The following DSCAML1 variants were observed in gnomAD, a reference collection of about 807,000 sequenced individuals.
DSCAML1 encodes the protein DS cell adhesion molecule like 1, also known as cell adhesion molecule DSCAML1.
In DSCAML1, 38 loss-of-function variants were observed where a neutral mutation model predicts 200.5. The observed-to-expected ratio is 0.19, with a 90% CI of 0.15 to 0.25. The LOEUF is 0.25. DSCAML1 is among the 10% of genes least tolerant of loss of function. DSCAML1 has a pLI of 1.00. For missense variants in DSCAML1, 2,223 were observed against 2,858.8 expected, an observed-to-expected ratio of 0.78 and a Z score of 5.07; for synonymous variants, 1,215 against 1,165.0, an observed-to-expected ratio of 1.04 and a Z score of -0.87.
At chr11:117,563,771 C>A (rs565930866) in intron 3 of DSCAML1, among the ~76,000 whole-genome samples, 1 of 152,170 alleles carries the variant, frequency 6.6e-6, no homozygotes, top group Non-Finnish European at 1.5e-5. Context: ...TGGGACGAGC[C>A]GTGTGACAGC....
chr11:117,553,129 C>T (rs2050498318), intron 3 of DSCAML1, among the ~76,000 whole-genome samples: 1 of 152,132 alleles, frequency 6.6e-6, no homozygotes, highest in Non-Finnish European at 1.5e-5. Flanking sequence ...AAAGGACAGA[C>T]ATTCACAATG....
rs2047955582 is a variant in DSCAML1, at chr11:117,437,944, C to T, written c.4383G>A (p.Val1461=). 3.1e-6 allele frequency: 5 copies of T among 1,613,744 alleles called. No individual in the cohort carries two copies. Among genetic ancestry groups the T allele is most frequent in the Non-Finnish European group, 3.4e-6 (4 of 1,180,010 alleles). The change falls in exon 25 of 33, where the codon GTG becomes GTA. Residue 1461 remains valine, a synonymous_variant. Transcript: ENST00000651296. The surrounding 1 kb of genome is among the most constrained non-coding windows in gnomAD (Gnocchi z 5.3). ...TGATCTCGCTGATGCGCCCAGAGCC[C>T]ACGCTGTTCTTGGCTGCCAGCTTCA... The part of the protein sequence containing the change: ...YKVKLAAKNS[V]GSGRISEIIE...
chr11:117,699,245 G>C (rs963283921), intron 3 of DSCAML1, among the ~76,000 whole-genome samples: 26 of 152,210 alleles, frequency 1.7e-4, no homozygotes, highest in African/African-American at 6.0e-4. Flanking sequence ...AAGGTGGCAG[G>C]GAAGCAGAGC....
intron 3 of DSCAML1, among the ~76,000 whole-genome samples, chr11:117,715,838 G>A (rs1485379094): frequency 1.3e-5 from 2 of 152,096 alleles, no homozygotes; most frequent in Non-Finnish European, 1.5e-5. Context: ...CTATCCAGTC[G>A]GTGTGGTTTA....
chr11:117,514,986 C>T (rs1221850600), intron 8 of DSCAML1, among the ~76,000 whole-genome samples: 1 of 152,332 alleles, frequency 6.6e-6, no homozygotes, highest in South Asian at 2.1e-4. Context: ...TGGCACTGCA[C>T]GTGGAGCATG....
In DSCAML1 at chr11:117,459,539, G is replaced by T. The variant is rs78712891; in HGVS notation, c.3413-630C>A. On this transcript the variant is annotated intron_variant, in intron 18 of 32. Coordinates refer to ENST00000651296, the MANE Select transcript of DSCAML1 (RefSeq NM_020693.4). ...AGCCATTCCCTGCACAGAAAGCCTG[G>T]GTGAGTCTGGTGGAGCCGATAGCCT... 2.7e-4 allele frequency among the ~76,000 whole-genome samples: 41 copies of T among 152,352 alleles called. No individual in the cohort carries two copies. The East Asian group carries it at 7.5e-3, about 28-fold the overall frequency.
Position 117,451,814 on chromosome 11 carries a change from C to CAA in DSCAML1, c.3569-1128_3569-1127dup, listed in dbSNP as rs10579506. Among the ~76,000 whole-genome samples the CAA allele has an allele frequency of 3.0e-3, 442 of 148,424 alleles. 5 individuals are homozygous for CAA. Among genetic ancestry groups the CAA allele is most frequent in the African/African-American group, 0.01 (407 of 40,376 alleles). On this transcript the variant is annotated intron_variant, in intron 19 of 32. Transcript: ENST00000651296. ...AGGGCAACAGAGCAAGACTCCGTCT[C>CAA]AAAAAAAAAAAAAATAATAAAGCAC...
rs530817922 is a variant in DSCAML1, at chr11:117,660,064, TTC to T, written c.511+116725_511+116726del. ...TATCCCTAAGCTTACCTAGGGCCAG[TTC>T]TCTCTTTTCATATCATCCTTTCCAT... On this transcript the variant is annotated intron_variant, in intron 3 of 32. Coordinates refer to ENST00000651296, the MANE Select transcript of DSCAML1 (RefSeq NM_020693.4). 1.8e-4 allele frequency among the ~76,000 whole-genome samples: 28 copies of T among 152,256 alleles called. No individual in the cohort carries two copies. The East Asian group carries it at 5.2e-3, about 28-fold the overall frequency.
chr11:117,812,617 G>A (rs2055770522), intron 1 of DSCAML1, among the ~76,000 whole-genome samples: 1 of 151,766 alleles, frequency 6.6e-6, no homozygotes. Context: ...CAAATTACCT[G>A]GGCTGTACTG....
chr11:117,768,161 C>T (rs182453625), intron 3 of DSCAML1, among the ~76,000 whole-genome samples: 25 of 152,262 alleles, frequency 1.6e-4, no homozygotes, highest in African/African-American at 5.5e-4. Context: ...TTAGACACCC[C>T]GCAGTTTGTG....
Position 117,789,337 on chromosome 11 carries a change from G to A in DSCAML1, c.46+7697C>T, listed in dbSNP as rs529871570. Reference sequence around the variant, plus strand: ...GGCCTGTCAAAGGAAGGTCCCTTATGGCCAAAATTTCTTTCCAGGGAGTCA... The same window carrying A: ...GGCCTGTCAAAGGAAGGTCCCTTATAGCCAAAATTTCTTTCCAGGGAGTCA... On this transcript the variant is annotated intron_variant, in intron 1 of 32. Coordinates refer to ENST00000651296, the MANE Select transcript of DSCAML1 (RefSeq NM_020693.4). Among the ~76,000 whole-genome samples the A allele has an allele frequency of 2.0e-5, 3 of 152,266 alleles. No individual in the cohort carries two copies. The East Asian group carries it at 5.8e-4, about 29-fold the overall frequency.
At chr11:117,710,742 G>A (rs1008641463) in intron 3 of DSCAML1, among the ~76,000 whole-genome samples, 1 of 152,198 alleles carries the variant, frequency 6.6e-6, no homozygotes, top group Non-Finnish European at 1.5e-5. Flanking sequence ...CTTGATGAAT[G>A]GTAGCTGTTA....
Position 117,542,297 on chromosome 11 carries a change from A to AAAAAC in DSCAML1, c.512-9780_512-9776dup, listed in dbSNP as rs71037484. On this transcript the variant is annotated intron_variant, in intron 3 of 32. Coordinates refer to ENST00000651296, the MANE Select transcript of DSCAML1 (RefSeq NM_020693.4). ...GAGACAGAGTGAGACTCCCTATCAA[A>AAAAAC]AAAACAAAACAAAACAAAACAAAAC... 1.2e-3 allele frequency among the ~76,000 whole-genome samples: 167 copies of AAAAAC among 140,666 alleles called. No individual in the cohort carries two copies. The East Asian group carries it at 0.021, about 17-fold the overall frequency. 92.3% of individuals were successfully genotyped at this position (140,666 alleles called of 152,430 possible). A position where few individuals can be genotyped will look rare whatever the true frequency, so the allele number is the denominator to read the frequency against.
chr11:117,666,564 C>A (rs933781043), intron 3 of DSCAML1, among the ~76,000 whole-genome samples: 1 of 152,190 alleles, frequency 6.6e-6, no homozygotes, highest in Non-Finnish European at 1.5e-5. Flanking sequence ...ACTATCCCAA[C>A]TTCCCACTCC....
At chr11:117,550,957 G>A (rs958909454) in intron 3 of DSCAML1, among the ~76,000 whole-genome samples, 3 of 152,142 alleles carry the variant, frequency 2.0e-5, no homozygotes, top group East Asian at 1.9e-4. Flanking sequence ...TCTTGCCCTT[G>A]GCCCCAGATT....
chr11:117,795,138 G>A (rs1245968669), intron 1 of DSCAML1, among the ~76,000 whole-genome samples: 1 of 152,138 alleles, frequency 6.6e-6, no homozygotes, highest in African/African-American at 2.4e-5. Flanking sequence ...GGAGGGGAGT[G>A]TCCTTCAGGT....
intron 3 of DSCAML1, among the ~76,000 whole-genome samples, chr11:117,699,885 T>TG (rs1364003011): frequency 7.9e-5 from 12 of 152,226 alleles, no homozygotes; most frequent in Non-Finnish European, 5.9e-5. Context: ...ACTTCCCTCC[T>TG]GGGCTTGTCC....
intron 3 of DSCAML1, among the ~76,000 whole-genome samples, chr11:117,663,410 C>T (rs1171223623): frequency 6.6e-6 from 1 of 152,142 alleles, no homozygotes; most frequent in Non-Finnish European, 1.5e-5. Flanking sequence ...TGGTGTCAGT[C>T]CTGTAAGCAG....
chr11:117,728,978 A>G (rs1019161600), intron 3 of DSCAML1, among the ~76,000 whole-genome samples: 1 of 152,258 alleles, frequency 6.6e-6, no homozygotes, highest in African/African-American at 2.4e-5. Flanking sequence ...ATCTTGAAAA[A>G]GAAGAAAAAA....
Sources: allele counts gnomAD v4.1 joint callset (sites outside exome capture counted in the v4.1 genomes callset), GRCh38; gene constraint gnomAD v4.1.1; non-coding constraint Gnocchi (gnomAD v3.1); transcripts MANE v1.5; gene names NCBI Gene and HGNC (gene_info 2026-07-23, HGNC 2026-07-21).